Variants in TASP1 observed in about 807,000 individuals in gnomAD.
The protein encoded by TASP1 is taspase 1, also known as threonine aspartase 1.
A neutral mutation model predicts 56.6 loss-of-function variants in TASP1; 16 were observed. The observed-to-expected ratio is 0.28, with a 90% confidence interval of 0.19 to 0.43. TASP1 has a LOEUF of 0.43. TASP1 is among the 20% of genes least tolerant of loss of function. The pLI is 1.00. For synonymous variants in TASP1, 179 were observed against 184.2 expected (o/e 0.97, Z 0.23); for missense variants, 393 against 511.6 (o/e 0.77, Z 2.24).
chr20:13,433,015 G>C (rs1214848387), intron 12 of TASP1, among the ~76,000 whole-genome samples: 1 of 152,092 alleles, frequency 6.6e-6, no homozygotes. Context: ...TGGGATACAT[G>C]TGCAGAACGT....
At chr20:13,557,298 C>CAATGTCTAA (rs1480845652) in intron 8 of TASP1, among the ~76,000 whole-genome samples, 6 of 152,036 alleles carry the variant, frequency 3.9e-5, no homozygotes, top group Admixed American at 2.0e-4. Flanking sequence ...ATCGGTGATA[C>CAATGTCTAA]AATGTCTAAT....
the TASP1 span, among the ~76,000 whole-genome samples, chr20:13,162,823 G>C: frequency 6.6e-6 from 1 of 152,056 alleles, no homozygotes; most frequent in Non-Finnish European, 1.5e-5. Flanking sequence ...AGTCATCTCA[G>C]GCACAAGCTC....
chr20:13,550,851 G>A (rs896874911), intron 8 of TASP1, among the ~76,000 whole-genome samples: 37 of 152,080 alleles, frequency 2.4e-4, no homozygotes, highest in African/African-American at 4.1e-4. Flanking sequence ...GCACAGACAA[G>A]TACAAATGGA....
the TASP1 span, among the ~76,000 whole-genome samples, chr20:13,349,243 C>T: frequency 8.5e-5 from 13 of 152,222 alleles, no homozygotes; most frequent in African/African-American, 2.2e-4. Flanking sequence ...AGGAGGCCTC[C>T]GGACCACAGA....
the TASP1 span, chr20:13,164,363 T>A: frequency 8.5e-6 from 4 of 472,676 alleles, no homozygotes; most frequent in Admixed American, 9.4e-5. Context: ...CCAGGTGATT[T>A]GCTGTGTCAT....
chr20:13,429,837 G>T (rs2146149025), intron 12 of TASP1, among the ~76,000 whole-genome samples: 1 of 152,232 alleles, frequency 6.6e-6, no homozygotes, highest in African/African-American at 2.4e-5. Context: ...CTGATCTTGG[G>T]ATTGGTGTGG....
chr20:13,237,823 C>T, the TASP1 span: 1 of 152,174 alleles, frequency 6.6e-6, no homozygotes, highest in Non-Finnish European at 1.5e-5. Flanking sequence ...TCTCTGGGCT[C>T]CCTGATGTGC....
At chr20:13,514,700 T>A (rs1007705945) in intron 10 of TASP1, among the ~76,000 whole-genome samples, 2 of 152,296 alleles carry the variant, frequency 1.3e-5, no homozygotes, top group Non-Finnish European at 2.9e-5. Flanking sequence ...CAACTATCCA[T>A]GCTTTCTACT....
At chr20:13,543,099 C>G (rs1259169488) in intron 8 of TASP1, among the ~76,000 whole-genome samples, 1 of 152,132 alleles carries the variant, frequency 6.6e-6, no homozygotes, top group Non-Finnish European at 1.5e-5. Context: ...TCACCTAAAT[C>G]TCAGCAAAAG....
the TASP1 span, among the ~76,000 whole-genome samples, chr20:13,225,882 A>G: frequency 6.6e-6 from 1 of 152,200 alleles, no homozygotes; most frequent in African/African-American, 2.4e-5. Context: ...ATAGATATGG[A>G]TATAGATATA....
At chr20:13,456,181 T>C (rs544333607) in intron 11 of TASP1, among the ~76,000 whole-genome samples, 1 of 152,282 alleles carries the variant, frequency 6.6e-6, no homozygotes, top group African/African-American at 2.4e-5. Flanking sequence ...GCAACGGTCA[T>C]GGCAACAGTT....
At chr20:13,232,521 CCAT>C in the TASP1 span, among the ~76,000 whole-genome samples, 1 of 152,208 alleles carries the variant, frequency 6.6e-6, no homozygotes. Flanking sequence ...GGATATACCA[CCAT>C]ATGTTTACCC....
At chr20:13,353,802 T>C in the TASP1 span, among the ~76,000 whole-genome samples, 1 of 152,150 alleles carries the variant, frequency 6.6e-6, no homozygotes, top group Non-Finnish European at 1.5e-5. Flanking sequence ...AAGCTTTCAA[T>C]CCTATTTTAA....
chr20:13,499,082 G>C (rs2043846410), intron 10 of TASP1, among the ~76,000 whole-genome samples: 1 of 151,946 alleles, frequency 6.6e-6, no homozygotes, highest in Admixed American at 6.6e-5. Context: ...TATTAATGGT[G>C]GATTAAAGAA....
At chr20:13,323,126 A>T in the TASP1 span, among the ~76,000 whole-genome samples, 1 of 152,158 alleles carries the variant, frequency 6.6e-6, no homozygotes, top group Non-Finnish European at 1.5e-5. Flanking sequence ...ATCAGACCAC[A>T]ACATGGAATA....
At chr20:13,364,608 G>T in the TASP1 span, among the ~76,000 whole-genome samples, 52 of 152,198 alleles carry the variant, frequency 3.4e-4, no homozygotes, top group African/African-American at 1.2e-3. Context: ...GCCTAAGATA[G>T]CTGGACTGAA....
At chr20:13,635,245 C>A (rs2049260361) in intron 1 of TASP1, among the ~76,000 whole-genome samples, 1 of 152,076 alleles carries the variant, frequency 6.6e-6, no homozygotes, top group South Asian at 2.1e-4. Context: ...AGTTACTTAA[C>A]CCAATGGCAT....
downstream of TASP1, among the ~76,000 whole-genome samples, chr20:13,387,184 A>ATTTTTTTTTTTTTTTTTTTTTGTTTTTTT (rs2041169585): frequency 1.4e-5 from 1 of 70,694 alleles, no homozygotes; most frequent in African/African-American, 6.7e-5. Context: ...ACATGATTTC[A>ATTTTTTTTTTTTTTTTTTTTTGTTTTTTT]TTTTTTTTTT....
intron 9 of TASP1, among the ~76,000 whole-genome samples, chr20:13,532,747 T>C (rs1163789185): frequency 6.6e-6 from 1 of 152,180 alleles, no homozygotes; most frequent in Non-Finnish European, 1.5e-5. Flanking sequence ...CAGAAAACAG[T>C]GAGAAAGTCA....
Sources: allele counts gnomAD v4.1 joint callset (sites outside exome capture counted in the v4.1 genomes callset), GRCh38; gene constraint gnomAD v4.1.1; transcripts MANE v1.5; gene names NCBI Gene and HGNC (gene_info 2026-07-23, HGNC 2026-07-21).